The following TMEM209 variants were observed in gnomAD, a reference collection of about 807,000 sequenced individuals.
TMEM209 encodes the protein testicular tissue protein Li 202.
A neutral mutation model predicts 76.2 loss-of-function variants in TMEM209; 65 were observed. That is an observed-to-expected ratio of 0.85 (90% confidence interval 0.70 to 1.05). TMEM209 has a LOEUF of 1.05. Among genes scored for constraint, TMEM209 ranks in the 50% least tolerant of loss-of-function variants. The probability of loss-of-function intolerance (pLI) is 0.00; values close to 1 mark genes in which losing one functional copy is unlikely to be tolerated. For missense variants in TMEM209, 623 were observed against 685.5 expected (o/e 0.91, Z 1.02); for synonymous variants, 239 against 237.6 (o/e 1.01, Z -0.06).
chr7:130,177,972 TAGAG>T (rs765847452), intron 10 of TMEM209, among the ~76,000 whole-genome samples: 2 of 152,174 alleles, frequency 1.3e-5, no homozygotes, highest in African/African-American at 2.4e-5. Flanking sequence ...GCTCTGTAAG[TAGAG>T]AGGCACAGAG....
chr7:130,184,928 A>C (rs1797545823), intron 7 of TMEM209, among the ~76,000 whole-genome samples: 2 of 152,242 alleles, frequency 1.3e-5, no homozygotes, highest in East Asian at 1.9e-4. Flanking sequence ...TATACCTGAG[A>C]GCCTTTTTAT....
At chr7:130,178,371 CTTA>C in intron 10 of TMEM209, 28 bp downstream of exon 10, 1 of 1,549,818 alleles carries the variant, frequency 6.5e-7, no homozygotes, top group Non-Finnish European at 8.7e-7. Flanking sequence ...TAAAAAAGCT[CTTA>C]TTTTTTTCTC....
rs772737392 is a variant in TMEM209, at chr7:130,185,366, C to A, written c.777G>T (p.Gly259=). The change falls in exon 7 of 15, where the codon GGG becomes GGT. Residue 259 remains glycine (G), a splice_region_variant and synonymous_variant. Coordinates refer to ENST00000397622, the MANE Select transcript of TMEM209 (RefSeq NM_032842.4). The part of the protein sequence containing the change: ...EEEKQHRVKL[G]SPDSTSPSSS... Reference sequence around the variant, plus strand: ...TGGAAGGAGAGGTAGAATCTGGGCTCCCTACAATTGTTAAGATAAACAGTA... The same window carrying A: ...TGGAAGGAGAGGTAGAATCTGGGCTACCTACAATTGTTAAGATAAACAGTA... 2.3e-5 allele frequency: 37 copies of A among 1,613,006 alleles called. No homozygotes were observed. Among genetic ancestry groups the A allele is most frequent in the Non-Finnish European group, 2.8e-5 (33 of 1,179,358 alleles).
In TMEM209 at chr7:130,195,480, A is replaced by G. The variant is rs1041184792; in HGVS notation, c.574-2657T>C. 5.3e-5 allele frequency among the ~76,000 whole-genome samples: 8 copies of G among 152,218 alleles called. No individual in the cohort carries two copies. In the South Asian group the frequency reaches 1.2e-3, roughly 24 times the overall value. On this transcript the variant is annotated intron_variant, in intron 5 of 14. Coordinates refer to ENST00000397622, the MANE Select transcript of TMEM209 (RefSeq NM_032842.4). Reference sequence around the variant, plus strand: ...TTACTGTGTATCCAGCCACTTAACCAAAGTTTTTAATATTAAAATGGATGT... The same window carrying G: ...TTACTGTGTATCCAGCCACTTAACCGAAGTTTTTAATATTAAAATGGATGT...
At chr7:130,190,205 CTTAA>C (rs1327408722) in intron 6 of TMEM209, among the ~76,000 whole-genome samples, 1 of 152,160 alleles carries the variant, frequency 6.6e-6, no homozygotes. Flanking sequence ...CTTACCACCA[CTTAA>C]TTAAACACTT....
In TMEM209 at chr7:130,202,095, G is replaced by C. The variant is rs1228735556; in HGVS notation, c.332-4C>G. On this transcript the variant is annotated splice_polypyrimidine_tract_variant and splice_region_variant and intron_variant, in intron 4 of 14. Transcript: ENST00000397622. ...TGTGGAGGCGTAGTCTGTACAACTA[G>C]AAGGAAAAAAAAAGCAACATATGTG... 3 of 1,581,024 alleles carry C rather than the reference G, an allele frequency of 1.9e-6. No homozygotes were observed. The highest frequency in any genetic ancestry group is 2.6e-6 in the Non-Finnish European group (3 of 1,166,020).
intron 10 of TMEM209, among the ~76,000 whole-genome samples, chr7:130,177,353 A>C (rs1485248714): frequency 1.5e-4 from 23 of 151,256 alleles, no homozygotes; most frequent in Non-Finnish European, 8.9e-5. Flanking sequence ...GTCTCCAAAA[A>C]AAAAAAAAAA....
rs746171726 is a variant in TMEM209, at chr7:130,198,939, CTTAT to C, written c.573+2907_573+2910del. ...TTTTACTGTTCCAATCTTTTGTGTCCTTATTTGTTGCCTACTTTATCAGACATTG... is the reference window on the plus strand; with the variant it reads ...TTTTACTGTTCCAATCTTTTGTGTCCTTGTTGCCTACTTTATCAGACATTG... On this transcript the variant is annotated intron_variant, in intron 5 of 14. Transcript: ENST00000397622. 2.6e-4 allele frequency among the ~76,000 whole-genome samples: 39 copies of C among 151,960 alleles called. 1 individual carries two copies. Among genetic ancestry groups the C allele is most frequent in the Non-Finnish European group, 5.3e-4 (36 of 67,996 alleles).
At chr7:130,198,427 A>G (rs1457059914) in intron 5 of TMEM209, among the ~76,000 whole-genome samples, 2 of 152,162 alleles carry the variant, frequency 1.3e-5, no homozygotes, top group Non-Finnish European at 2.9e-5. Flanking sequence ...CCTGGCCAAC[A>G]TGGTGAAACC....
intron 14 of TMEM209, among the ~76,000 whole-genome samples, chr7:130,167,107 G>C (rs180872841): frequency 3.9e-5 from 6 of 152,006 alleles, no homozygotes; most frequent in Non-Finnish European, 8.8e-5. Flanking sequence ...TGAAACTGAA[G>C]AATCAAGAGA....
chr7:130,195,559 T>C (rs932275728), intron 5 of TMEM209, among the ~76,000 whole-genome samples: 5 of 152,056 alleles, frequency 3.3e-5, no homozygotes, highest in South Asian at 2.1e-4. Flanking sequence ...TTGAATATAA[T>C]GTATTAATAG....
chr7:130,200,397 C>G (rs1798147540), intron 5 of TMEM209, among the ~76,000 whole-genome samples: 1 of 152,176 alleles, frequency 6.6e-6, no homozygotes, highest in Non-Finnish European at 1.5e-5. Context: ...TTCTACATTT[C>G]TGTGACAATG....
At chr7:130,201,088 CAAAAAAAAAAAAAA>C (rs869309249) in intron 5 of TMEM209, among the ~76,000 whole-genome samples, 3 of 74,176 alleles carry the variant, frequency 4.0e-5, no homozygotes, top group Admixed American at 1.8e-4. Flanking sequence ...GACTCTGTCT[CAAAAAAAAAAAAAA>C]AAAAAAAAAA....
chr7:130,166,311 C>T lies in TMEM209; in HGVS notation c.*140G>A, dbSNP rs922451361. The T allele has an allele frequency of 7.6e-6, 4 of 523,850 alleles. No individual in the cohort carries two copies. The highest frequency in any genetic ancestry group is 4.9e-5 in the South Asian group (1 of 20,378). 32.5% of individuals were successfully genotyped at this position (523,850 alleles called of 1,614,324 possible). The stretch of plus-strand genomic sequence containing the variant: ...TTACAATTACATTTCATAACAGCTA[C>T]ATTTTCTGTTAAATCTAAAGAGTCT... On this transcript the variant is annotated 3_prime_UTR_variant, in exon 15 of 15. Coordinates refer to ENST00000397622, the MANE Select transcript of TMEM209 (RefSeq NM_032842.4).
At chr7:130,166,756 T>A (rs1404702649) in intron 14 of TMEM209, among the ~76,000 whole-genome samples, 1 of 152,132 alleles carries the variant, frequency 6.6e-6, no homozygotes, top group Non-Finnish European at 1.5e-5. Flanking sequence ...ACAAGAACTA[T>A]TACACCAGGT....
In TMEM209 at chr7:130,191,595, G is replaced by T. The variant is rs563313367; in HGVS notation, c.775+1027C>A. On this transcript the variant is annotated intron_variant, in intron 6 of 14. Transcript: ENST00000397622. ...ACACAAAATTGATAGGTACAGATCA[G>T]ATTCTCTAACCACAGTAAAATTAAC... is the stretch of plus-strand genomic sequence containing the variant. Among the ~76,000 whole-genome samples the T allele has an allele frequency of 9.9e-5, 15 of 152,036 alleles. No individual in the cohort carries two copies. In the South Asian group the frequency reaches 2.3e-3, roughly 23 times the overall value.
chr7:130,204,223 T>C, intron 1 of TMEM209, 113 bp from the exon 2 acceptor site: 1 of 1,178,210 alleles, frequency 8.5e-7, no homozygotes, highest in Non-Finnish European at 1.1e-6. Context: ...CCTTCTCTCA[T>C]CTTTAAAATG....
At chr7:130,180,309 T>A (rs1797367067) in intron 9 of TMEM209, among the ~76,000 whole-genome samples, 1 of 152,016 alleles carries the variant, frequency 6.6e-6, no homozygotes, top group African/African-American at 2.4e-5. Context: ...AAAGAAAACA[T>A]CTACCACTCA....
chr7:130,201,602 G>C (rs1798201388), intron 5 of TMEM209, among the ~76,000 whole-genome samples: 1 of 152,158 alleles, frequency 6.6e-6, no homozygotes, highest in Non-Finnish European at 1.5e-5. Flanking sequence ...GTTTCAACTT[G>C]TTTTAAAGAC....
Sources: gnomAD v4.1 joint callset for allele counts (sites outside exome capture counted in the v4.1 genomes callset) on GRCh38, gnomAD v4.1.1 for gene constraint, MANE v1.5 for transcripts, NCBI Gene and HGNC (gene_info 2026-07-23, HGNC 2026-07-21) for gene names.